NLRC5: variants seen among roughly 807,000 people sequenced by gnomAD.
NLRC5 encodes the protein NLR family CARD domain containing 5, also known as protein NLRC5.
NLRC5 carries 114 observed loss-of-function variants against 206.9 expected under a neutral mutation model. That is an observed-to-expected ratio of 0.55 (90% confidence interval 0.47 to 0.64). NLRC5 has a LOEUF of 0.64. Ranked by LOEUF, NLRC5 falls within the 30% of genes least tolerant of loss-of-function variation. The pLI is 0.00. For synonymous variants in NLRC5, 952 were observed against 962.8 expected, an observed-to-expected ratio of 0.99 and a Z score of 0.21; for missense variants, 2,008 against 2,305.5, an observed-to-expected ratio of 0.87 and a Z score of 2.64.
At chr16:57,064,513 CT>C (rs551896942) in intron 32 of NLRC5, among the ~76,000 whole-genome samples, 2 of 152,302 alleles carry the variant, frequency 1.3e-5, no homozygotes, top group African/African-American at 4.8e-5. Context: ...TCTTTCCACA[CT>C]TTTTTTCTCC....
chr16:57,046,480 G>A, intron 21 of NLRC5, 72 bp from the exon 22 acceptor site: 2 of 1,249,458 alleles, frequency 1.6e-6, no homozygotes, highest in South Asian at 1.2e-5. Flanking sequence ...CCCCCTCCTA[G>A]GGGTATATGG....
chr16:57,044,269 C>T lies in NLRC5; in HGVS notation c.3203+665C>T, dbSNP rs199530728. Among the ~76,000 whole-genome samples, 217 of 151,338 alleles carry T rather than the reference C, an allele frequency of 1.4e-3. 1 individual carries two copies. Among genetic ancestry groups the T allele is most frequent in the East Asian group, 6.4e-3 (33 of 5,140 alleles). ...GCAGTGAGCTGAGATCGTGCCACTG[C>T]ACTCCAGCCTGGGCGACAGAGTGAG... On this transcript the variant is annotated intron_variant, in intron 20 of 48. Coordinates refer to ENST00000688547, the MANE Select transcript of NLRC5 (RefSeq NM_001384950.1).
intron 38 of NLRC5, among the ~76,000 whole-genome samples, chr16:57,073,286 G>T (rs2067995692): frequency 6.6e-6 from 1 of 152,220 alleles, no homozygotes; most frequent in African/African-American, 2.4e-5. Flanking sequence ...GAAGGAAGGG[G>T]ATGGATCGTC....
chr16:57,051,545 T>A lies in NLRC5; in HGVS notation c.3430T>A (p.Cys1144Ser), dbSNP rs1351939839. ...ACCTGCTTTGTTTCACAGATTGTCC[T>A]GTGAGTTCCTGAGTGACCAGAGCCT... Reference protein sequence around the residue: ...CPGPLELQLSCEFLSDQSLET... With the variant: ...CPGPLELQLSSEFLSDQSLET... Residue 1144 changes from cysteine (C) to serine (S), a missense_variant, in exon 24 of 49, where the codon TGT (cysteine) becomes AGT (serine). Transcript: ENST00000688547. 6.2e-7 allele frequency: 1 copy of A among 1,613,610 alleles called. No homozygotes were observed. The highest frequency in any genetic ancestry group is 8.5e-7 in the Non-Finnish European group (1 of 1,179,474).
intron 17 of NLRC5, among the ~76,000 whole-genome samples, chr16:57,041,139 T>C (rs2063228406): frequency 6.6e-6 from 1 of 152,176 alleles, no homozygotes; most frequent in African/African-American, 2.4e-5. Context: ...TCTGCCTGTT[T>C]CTCTCATTTC....
rs888238064 is a variant in NLRC5, at chr16:57,028,234, A to G, written c.2160-68A>G. ...CTCCTCCCTCTCCTTAATCCTACACAAGGCAGATTCCTGGCCCCGCCCTTT... is the reference window on the plus strand; with the variant it reads ...CTCCTCCCTCTCCTTAATCCTACACGAGGCAGATTCCTGGCCCCGCCCTTT... On this transcript the variant is annotated intron_variant, in intron 7 of 48. Coordinates refer to ENST00000688547, the MANE Select transcript of NLRC5 (RefSeq NM_001384950.1). 3.7e-5 allele frequency: 59 copies of G among 1,576,286 alleles called. No homozygotes were observed. The Middle Eastern group carries it at 2.0e-3, about 53-fold the overall frequency.
intron 23 of NLRC5, 92 bp from the exon 24 acceptor site, chr16:57,051,446 G>A: frequency 1.1e-6 from 1 of 880,460 alleles, no homozygotes; most frequent in Non-Finnish European, 1.9e-6. Context: ...ACCCTGGTTA[G>A]GTCCCATCTC....
Position 57,077,742 on chromosome 16 carries a change from C to T in NLRC5, c.4943C>T (p.Ser1648Leu). The change falls in exon 42 of 49, where the codon TCA (serine) becomes TTA (leucine). Residue 1648 changes from serine (S) to leucine (L), a missense_variant. Coordinates refer to ENST00000688547, the MANE Select transcript of NLRC5 (RefSeq NM_001384950.1). ...KIDLSGNSIS[S>L]AGGVQLAESL... The stretch of plus-strand genomic sequence containing the variant: ...AGCCTCTCAGGGAATAGCATCAGCT[C>T]AGCCGGGGGAGTGCAGTTGGCAGAG... The T allele has an allele frequency of 6.3e-7, 1 of 1,599,518 alleles. No individual in the cohort carries two copies. Among genetic ancestry groups the T allele is most frequent in the Non-Finnish European group, 8.5e-7 (1 of 1,171,872 alleles).
intron 17 of NLRC5, 80 bp downstream of exon 17, chr16:57,040,798 C>T: frequency 7.2e-7 from 1 of 1,384,206 alleles, no homozygotes; most frequent in Admixed American, 1.8e-5. Flanking sequence ...CAAACCTGTG[C>T]CCAGGCCCCA....
rs570775223 is a variant in NLRC5, at chr16:57,083,343, G to C, written c.*815G>C. ...AGCCAGGTCTAATGGTACTGGGTAG[G>C]GGGCACTGCCAAGACAATAAGCTAG... On this transcript the variant is annotated 3_prime_UTR_variant, in exon 49 of 49. Coordinates refer to ENST00000688547, the MANE Select transcript of NLRC5 (RefSeq NM_001384950.1). The C allele has an allele frequency of 6.6e-6, 1 of 152,260 alleles. No individual in the cohort carries two copies. Among genetic ancestry groups the C allele is most frequent in the African/African-American group, 2.4e-5 (1 of 41,442 alleles). 9.4% of individuals were successfully genotyped at this position (152,260 alleles called of 1,614,324 possible). A position where few individuals can be genotyped will look rare whatever the true frequency, so the allele number is the denominator to read the frequency against.
chr16:57,047,413 G>A (rs1597345961), intron 22 of NLRC5, 132 bp from the exon 23 acceptor site: 1 of 726,034 alleles, frequency 1.4e-6, no homozygotes, highest in Non-Finnish European at 2.3e-6. Context: ...GGAAGCGAGT[G>A]CCCCACAGGG....
At chr16:57,059,120 TG>T in intron 29 of NLRC5, 59 bp downstream of exon 29, 1 of 1,612,170 alleles carries the variant, frequency 6.2e-7, no homozygotes, top group Non-Finnish European at 8.5e-7. Flanking sequence ...TGCCCCTGGC[TG>T]ATGATGGGAG....
intron 20 of NLRC5, among the ~76,000 whole-genome samples, chr16:57,044,206 G>C (rs540515154): frequency 1.1e-4 from 17 of 151,860 alleles, no homozygotes; most frequent in African/African-American, 4.1e-4. Context: ...AGCCGCTCAG[G>C]AGTCAGGAGA....
At chr16:57,006,774 C>T (rs1437415020) in intron 1 of NLRC5, among the ~76,000 whole-genome samples, 1 of 151,850 alleles carries the variant, frequency 6.6e-6, no homozygotes, top group Non-Finnish European at 1.5e-5. Context: ...TGGCATTTAC[C>T]ACTTTGGTAG....
In NLRC5 at chr16:57,082,622, C is replaced by T. The variant is rs566219888; in HGVS notation, c.*94C>T. The T allele has an allele frequency of 1.3e-4, 117 of 868,190 alleles. No individual in the cohort carries two copies. The South Asian group carries it at 1.7e-3, about 12-fold the overall frequency. 53.8% of individuals were successfully genotyped at this position (868,190 alleles called of 1,614,324 possible). A position where few individuals can be genotyped will look rare whatever the true frequency, so the allele number is the denominator to read the frequency against. On this transcript the variant is annotated 3_prime_UTR_variant, in exon 49 of 49. Transcript: ENST00000688547. ...GATAATTGACTCAGGAAAGAAGAGC[C>T]TCGGCAGGGCGCTCTGCACTCCACC...
chr16:57,074,829 G>T (rs1433103746), intron 39 of NLRC5, 146 bp downstream of exon 39: 5 of 746,178 alleles, frequency 6.7e-6, no homozygotes, highest in Admixed American at 6.4e-5. Flanking sequence ...CTCCCAGGTG[G>T]GTGCCCACTG....
rs746982576 is a variant in NLRC5 at position 57,026,858 on chromosome 16, C to T, written c.1915C>T (p.Leu639=). 6.2e-7 allele frequency: 1 copy of T among 1,614,248 alleles called. No individual in the cohort carries two copies. Among genetic ancestry groups the T allele is most frequent in the South Asian group, 1.1e-5 (1 of 91,090 alleles). The change falls in exon 6 of 49, where the codon CTG becomes TTG. Residue 639 remains leucine, a synonymous_variant. Transcript: ENST00000688547. ...CACCGCACAAAGCCTCCCCTATCAACTGCCCTTCCACAATTTCCCACTGAC... is the reference window on the plus strand; with the variant it reads ...CACCGCACAAAGCCTCCCCTATCAATTGCCCTTCCACAATTTCCCACTGAC... The part of the protein sequence containing the change: ...SLTAQSLPYQ[L]PFHNFPLTCT...
intron 2 of NLRC5, among the ~76,000 whole-genome samples, chr16:57,018,143 G>A (rs117999857): frequency 4.1e-4 from 62 of 152,350 alleles, no homozygotes; most frequent in Non-Finnish European, 7.2e-4. Context: ...ACTTCCATCT[G>A]GTGCCATGCT....
intron 24 of NLRC5, among the ~76,000 whole-genome samples, chr16:57,052,114 T>C (rs2065002948): frequency 6.6e-6 from 1 of 152,222 alleles, no homozygotes; most frequent in Non-Finnish European, 1.5e-5. Flanking sequence ...AAAAGGGAAT[T>C]TAAGCAGAAT....
Sources: allele counts gnomAD v4.1 joint callset (sites outside exome capture counted in the v4.1 genomes callset), GRCh38; gene constraint gnomAD v4.1.1; transcripts MANE v1.5; gene names NCBI Gene and HGNC (gene_info 2026-07-23, HGNC 2026-07-21).